The following ROR1 variants were observed in gnomAD, a reference collection of about 807,000 sequenced individuals.
ROR1 encodes inactive tyrosine-protein kinase transmembrane receptor ROR1.
In ROR1, 19 loss-of-function variants were observed where a neutral mutation model predicts 78.8. The observed-to-expected ratio is 0.24, with a 90% CI of 0.17 to 0.35. The LOEUF is 0.35. ROR1 is among the 10% of genes least tolerant of loss of function. The pLI is 1.00. For synonymous variants in ROR1, 386 were observed against 433.6 expected, an observed-to-expected ratio of 0.89 and a Z score of 1.36; for missense variants, 917 against 1,177.8, an observed-to-expected ratio of 0.78 and a Z score of 3.24.
chr1:64,073,644 G>A (rs1647025149), intron 4 of ROR1, among the ~76,000 whole-genome samples: 1 of 152,132 alleles, frequency 6.6e-6, no homozygotes, highest in African/African-American at 2.4e-5. Flanking sequence ...TCCATGCAAT[G>A]TTTCTTCAGA....
intron 2 of ROR1, among the ~76,000 whole-genome samples, chr1:64,022,568 G>A (rs834489): frequency 0.3 from 45,897 of 151,950 alleles, 7,505 homozygotes; most frequent in South Asian, 0.47. Context: ...CCATTTCCCC[G>A]TAAGAGCCCT....
chr1:64,035,747 G>A, intron 2 of ROR1, among the ~76,000 whole-genome samples: 1 of 152,190 alleles, frequency 6.6e-6, no homozygotes, highest in Non-Finnish European at 1.5e-5. Flanking sequence ...GAGAATTAGA[G>A]TCTGGGGGTG....
rs913398880 is a variant in ROR1, at chr1:64,071,525, C to T, written c.482+20809C>T. ...AATGCCTAACTGCTTAGAACAGAGG[C>T]GGTGATCAACTCATGTCCCGTTCTG... is the stretch of plus-strand genomic sequence containing the variant. On this transcript the variant is annotated intron_variant, in intron 4 of 8. Transcript: ENST00000371079. 6.6e-5 allele frequency among the ~76,000 whole-genome samples: 10 copies of T among 151,942 alleles called. 1 individual carries two copies. Among genetic ancestry groups the T allele is most frequent in the Admixed American group, 6.6e-4 (10 of 15,250 alleles).
intron 1 of ROR1, among the ~76,000 whole-genome samples, chr1:63,885,484 G>T (rs183117968): frequency 6.6e-6 from 1 of 152,270 alleles, no homozygotes; most frequent in Admixed American, 6.5e-5. Context: ...GGGATCAGTG[G>T]TGGTTTCTGG....
intron 1 of ROR1, among the ~76,000 whole-genome samples, chr1:63,848,294 TAACAC>T (rs1645093959): frequency 1.3e-5 from 2 of 152,210 alleles, no homozygotes; most frequent in African/African-American, 4.8e-5. Context: ...TCCAGAAGCA[TAACAC>T]AAATGCTTTC....
chr1:63,969,761 A>G (rs973440693), intron 1 of ROR1, among the ~76,000 whole-genome samples: 8 of 151,624 alleles, frequency 5.3e-5, no homozygotes, highest in Non-Finnish European at 1.0e-4. Context: ...TAATCTAACC[A>G]CTACCTCTCT....
At position 64,180,275 on chromosome 1, in the gene ROR1, A is replaced by G. The variant is rs1159388615; in HGVS notation, c.*1420A>G. Reference sequence around the variant, plus strand: ...TTGATTTTTCTCTTGTTAAAAAAAAACTCCTTTATTCTAAGAACAATGTCT... The same window carrying G: ...TTGATTTTTCTCTTGTTAAAAAAAAGCTCCTTTATTCTAAGAACAATGTCT... On this transcript the variant is annotated 3_prime_UTR_variant, in exon 9 of 9. Transcript: ENST00000371079. 6.6e-6 allele frequency: 1 copy of G among 152,052 alleles called. No individual in the cohort carries two copies. The allele number at this position is 152,052 out of a possible 1,614,324, so 9.4% of individuals were successfully genotyped here. A position where few individuals can be genotyped will look rare whatever the true frequency, so the allele number is the denominator to read the frequency against.
At chr1:64,141,070 G>C (rs916457730) in intron 6 of ROR1, among the ~76,000 whole-genome samples, 2 of 152,094 alleles carry the variant, frequency 1.3e-5, no homozygotes, top group Non-Finnish European at 2.9e-5. Context: ...ATAGATATGG[G>C]GTTTCCTCTT....
At chr1:63,950,982 C>A (rs1645930531) in intron 1 of ROR1, among the ~76,000 whole-genome samples, 1 of 152,234 alleles carries the variant, frequency 6.6e-6, no homozygotes, top group African/African-American at 2.4e-5. Context: ...CTCTTTACTA[C>A]ATTTACTAGA....
intron 1 of ROR1, among the ~76,000 whole-genome samples, chr1:63,861,189 T>G (rs1451352403): frequency 2.0e-5 from 3 of 152,204 alleles, no homozygotes; most frequent in Non-Finnish European, 4.4e-5. Context: ...ACTTCGATCC[T>G]TCTCCACCCT....
intron 2 of ROR1, among the ~76,000 whole-genome samples, chr1:64,018,279 C>A (rs985920021): frequency 1.3e-5 from 2 of 152,046 alleles, no homozygotes; most frequent in African/African-American, 4.8e-5. Context: ...CCATGGGGCT[C>A]CTCCCTCAGT....
chr1:64,058,843 G>T (rs1646894913), intron 4 of ROR1, among the ~76,000 whole-genome samples: 1 of 152,000 alleles, frequency 6.6e-6, no homozygotes, highest in African/African-American at 2.4e-5. Context: ...GGTAATATTG[G>T]CCTCAGAATA....
At chr1:64,051,472 TAAAATA>T (rs1557628011) in intron 4 of ROR1, among the ~76,000 whole-genome samples, 89 of 135,180 alleles carry the variant, frequency 6.6e-4, no homozygotes, top group African/African-American at 2.4e-3. Flanking sequence ...TAAAATAAAA[TAAAATA>T]AAATAAAATA....
intron 4 of ROR1, among the ~76,000 whole-genome samples, chr1:64,104,911 G>T (rs935106748): frequency 2.0e-5 from 3 of 152,138 alleles, no homozygotes; most frequent in African/African-American, 7.2e-5. Flanking sequence ...AAATAGTGCT[G>T]CAATAAACAT....
intron 1 of ROR1, among the ~76,000 whole-genome samples, chr1:64,004,494 T>C (rs285386): frequency 0.74 from 112,948 of 152,130 alleles, 43,015 homozygotes; most frequent in East Asian, 0.94. Context: ...ACTCAGTGAG[T>C]GGTCAAGAAA....
chr1:63,910,978 A>T (rs1645565420), intron 1 of ROR1, among the ~76,000 whole-genome samples: 1 of 152,218 alleles, frequency 6.6e-6, no homozygotes, highest in Non-Finnish European at 1.5e-5. Flanking sequence ...CTTTTGTATA[A>T]GTCATTGTTA....
intron 1 of ROR1, among the ~76,000 whole-genome samples, chr1:63,989,211 A>G (rs1421448076): frequency 7.2e-6 from 1 of 139,478 alleles, no homozygotes; most frequent in African/African-American, 2.7e-5. Context: ...AATGGCATGG[A>G]CTTTGGCTTT....
At chr1:63,890,164 A>T (rs1645384186) in intron 1 of ROR1, among the ~76,000 whole-genome samples, 1 of 152,074 alleles carries the variant, frequency 6.6e-6, no homozygotes, top group Non-Finnish European at 1.5e-5. Flanking sequence ...AAAAATGTAA[A>T]CATCTATCTG....
intron 1 of ROR1, among the ~76,000 whole-genome samples, chr1:63,847,165 G>A (rs769472399): frequency 2.0e-5 from 3 of 152,184 alleles, no homozygotes; most frequent in Non-Finnish European, 4.4e-5. Context: ...AGCAAGAGGT[G>A]TTGGGGCTGT....
Sources: gnomAD v4.1 joint callset for allele counts (sites outside exome capture counted in the v4.1 genomes callset) on GRCh38, gnomAD v4.1.1 for gene constraint, MANE v1.5 for transcripts, NCBI Gene and HGNC (gene_info 2026-07-23, HGNC 2026-07-21) for gene names.